PFKFB2: variants seen among roughly 807,000 people sequenced by gnomAD.
PFKFB2 encodes the protein 6-phosphofructo-2-kinase/fructose-2,6-bisphosphatase 2.
A neutral mutation model predicts 68.0 loss-of-function variants in PFKFB2; 53 were observed. The ratio of observed to expected loss-of-function variants is 0.78; its 90% confidence interval spans 0.63 to 0.98. The LOEUF is 0.98. Ranked by LOEUF, PFKFB2 falls within the 50% of genes least tolerant of loss-of-function variation. The pLI, the probability that PFKFB2 is intolerant of heterozygous loss-of-function variation, is 0.00. For missense variants in PFKFB2, 451 were observed against 642.0 expected (o/e 0.70, Z 3.22); for synonymous variants, 222 against 227.6 (o/e 0.98, Z 0.22).
At chr1:207,046,088 C>G (rs546348168) in intron 2 of PFKFB2, 1 of 152,030 alleles carries the variant, frequency 6.6e-6, no homozygotes, top group Non-Finnish European at 1.5e-5. Flanking sequence ...CATAGTACTA[C>G]ACCTGACCTT....
chr1:207,072,297 T>A lies in PFKFB2; in HGVS notation c.1444T>A (p.Tyr482Asn), dbSNP rs377519008. Residue 482 changes from tyrosine (Y) to asparagine (N), a missense_variant, in exon 15 of 15, where the codon TAC becomes AAC. Coordinates refer to ENST00000367080, the MANE Select transcript of PFKFB2 (RefSeq NM_006212.2). ...SSNTIRRPRN[Y>N]SVGSRPLKPL... ...GAATACAATAAGGCGTCCAAGAAAT[T>A]ACAGTGTTGGGAGCCGGCCCCTCAA... is the stretch of plus-strand genomic sequence containing the variant. The A allele has an allele frequency of 9.9e-6, 16 of 1,613,990 alleles. No individual in the cohort carries two copies. Among genetic ancestry groups the A allele is most frequent in the Non-Finnish European group, 1.3e-5 (15 of 1,180,036 alleles).
chr1:207,052,306 T>G, upstream of PFKFB2: 1 of 1,300,426 alleles, frequency 7.7e-7, no homozygotes, highest in South Asian at 1.2e-5. Context: ...TCAAGACGAC[T>G]GCAACGGATG....
chr1:207,072,057 G>C, intron 14 of PFKFB2, 147 bp from the exon 15 acceptor site: 1 of 1,396,918 alleles, frequency 7.2e-7, no homozygotes, highest in Non-Finnish European at 9.6e-7. Flanking sequence ...TAGGAGGCCA[G>C]GCCATGGGCC....
At position 207,072,660 on chromosome 1, in the gene PFKFB2, C is replaced by G; in HGVS notation, c.*289C>G. 2 of 1,172,726 alleles carry G rather than the reference C, an allele frequency of 1.7e-6. No homozygotes were observed. The highest frequency in any genetic ancestry group is 2.1e-6 in the Non-Finnish European group (2 of 946,476). 72.6% of individuals were successfully genotyped at this position (1,172,726 alleles called of 1,614,324 possible). On this transcript the variant is annotated 3_prime_UTR_variant, in exon 15 of 15. Transcript: ENST00000367080. ...TCTGGAGGAGGAGGAAAAAGATACA[C>G]TCCCTTGGGGCTGAGCATGCCCCAC...
downstream of PFKFB2, chr1:207,078,875 G>T: frequency 8.4e-7 from 1 of 1,197,012 alleles, no homozygotes. Context: ...GAAGGTAGGG[G>T]AAGGATTCTG....
At chr1:207,050,745 C>A (rs1370721597), upstream of PFKFB2, 2 of 1,613,364 alleles carry the variant, frequency 1.2e-6, no homozygotes, top group Non-Finnish European at 8.5e-7. Context: ...TCCAGGCACT[C>A]GGGAGGGTAT....
Position 207,072,587 on chromosome 1 carries a change from G to T in PFKFB2, c.*216G>T. ...GTTTGAAACATCTTTTCACCCAGGG[G>T]CAAGTTAGCAAATTGAGTCTTTTAG... On this transcript the variant is annotated 3_prime_UTR_variant, in exon 15 of 15. Coordinates refer to ENST00000367080, the MANE Select transcript of PFKFB2 (RefSeq NM_006212.2). 1 of 1,334,002 alleles carries T rather than the reference G, an allele frequency of 7.5e-7. No individual in the cohort carries two copies. The allele number at this position is 1,334,002 out of a possible 1,614,324, so 82.6% of individuals were successfully genotyped here.
At chr1:207,053,530 TG>T (rs989965413) in intron 1 of PFKFB2, among the ~76,000 whole-genome samples, 164 bp downstream of exon 1, 1 of 152,142 alleles carries the variant, frequency 6.6e-6, no homozygotes, top group African/African-American at 2.4e-5. Flanking sequence ...TTGGAGGATT[TG>T]TGTGGTCAGT....
At position 207,075,021 on chromosome 1, in the gene PFKFB2, G is replaced by A; in HGVS notation, c.*2650G>A. 1.0e-6 allele frequency: 1 copy of A among 985,466 alleles called. No individual in the cohort carries two copies. The highest frequency in any genetic ancestry group is 1.2e-6 in the Non-Finnish European group (1 of 829,960). The allele number at this position is 985,466 out of a possible 1,614,324, so 61.0% of individuals were successfully genotyped here. ...ATGGTGGCATCTGTAGCCCAAATGG[G>A]CATTCAGTCTTTTCTTCTGCTGTGA... On this transcript the variant is annotated 3_prime_UTR_variant, in exon 15 of 15. Coordinates refer to ENST00000367080, the MANE Select transcript of PFKFB2 (RefSeq NM_006212.2).
chr1:207,050,357 A>G (rs1476277406), upstream of PFKFB2, among the ~76,000 whole-genome samples: 1 of 152,222 alleles, frequency 6.6e-6, no homozygotes, highest in Non-Finnish European at 1.5e-5. Flanking sequence ...AAAAAGAGAC[A>G]TAAGGACAGA....
At chr1:207,069,675 G>A (rs757331920) in intron 11 of PFKFB2, 147 bp downstream of exon 11, 1 of 596,552 alleles carries the variant, frequency 1.7e-6, no homozygotes, top group Non-Finnish European at 3.0e-6. Flanking sequence ...ATTCAGCTTA[G>A]ACAATCGAAT....
chr1:207,074,858 T>C lies in PFKFB2; in HGVS notation c.*2487T>C. On this transcript the variant is annotated 3_prime_UTR_variant, in exon 15 of 15. Transcript: ENST00000367080. ...AACCATCACATCGCTTCTCCTGACT[T>C]TTCTGTTGTCCTATGGCTATGAGAC... 1.0e-6 allele frequency: 1 copy of C among 985,460 alleles called. No individual in the cohort carries two copies. Among genetic ancestry groups the C allele is most frequent in the Non-Finnish European group, 1.2e-6 (1 of 829,936 alleles). 61.0% of individuals were successfully genotyped at this position (985,460 alleles called of 1,614,324 possible).
Position 207,072,459 on chromosome 1 carries a change from G to A in PFKFB2, c.*88G>A. 5 of 1,523,968 alleles carry A rather than the reference G, an allele frequency of 3.3e-6. No homozygotes were observed. Among genetic ancestry groups the A allele is most frequent in the Non-Finnish European group, 4.4e-6 (5 of 1,138,834 alleles). 94.4% of individuals were successfully genotyped at this position (1,523,968 alleles called of 1,614,324 possible). A position where few individuals can be genotyped will look rare whatever the true frequency, so the allele number is the denominator to read the frequency against. On this transcript the variant is annotated 3_prime_UTR_variant, in exon 15 of 15. Coordinates refer to ENST00000367080, the MANE Select transcript of PFKFB2 (RefSeq NM_006212.2). ...TGCCCTTGTCACTAATCACCAAGGAGTCATTAACTTCCTCCCTCTATGCCC... is the reference window on the plus strand; with the variant it reads ...TGCCCTTGTCACTAATCACCAAGGAATCATTAACTTCCTCCCTCTATGCCC...
chr1:207,039,225 A>G (rs1038514740), intron 1 of PFKFB2, among the ~76,000 whole-genome samples: 4 of 152,240 alleles, frequency 2.6e-5, no homozygotes, highest in African/African-American at 9.6e-5. Flanking sequence ...ACTCCATAAT[A>G]TTAACACTCT....
At chr1:207,050,546 T>C, upstream of PFKFB2, 1 of 1,081,960 alleles carries the variant, frequency 9.2e-7, no homozygotes. Flanking sequence ...CAGCATTCTC[T>C]GTTCTTTGAT....
At chr1:207,069,338 T>C in intron 10 of PFKFB2, 86 bp from the exon 11 acceptor site, 1 of 899,214 alleles carries the variant, frequency 1.1e-6, no homozygotes. Flanking sequence ...GAAACTAGCA[T>C]TCTTCAATGT....
At chr1:207,065,550 C>G (rs1683261885) in intron 8 of PFKFB2, among the ~76,000 whole-genome samples, 1 of 151,784 alleles carries the variant, frequency 6.6e-6, no homozygotes, top group African/African-American at 2.4e-5. Context: ...TAGAGTTTCC[C>G]CATGTTGGCC....
In PFKFB2 at chr1:207,058,408, C is replaced by G. The variant is rs115834779; in HGVS notation, c.86-3545C>G. On this transcript the variant is annotated intron_variant, in intron 2 of 14. Coordinates refer to ENST00000367080, the MANE Select transcript of PFKFB2 (RefSeq NM_006212.2). ...GCAAGTTGTGTTTACCGTGAGGGAA[C>G]CTTTGTCAAGTGCTGACATGAGGCA... Among the ~76,000 whole-genome samples the G allele has an allele frequency of 2.1e-3, 325 of 152,282 alleles. 3 individuals carry two copies. Among genetic ancestry groups the G allele is most frequent in the African/African-American group, 7.1e-3 (293 of 41,554 alleles).
chr1:207,042,572 A>AAAAAAAC, intron 2 of PFKFB2, among the ~76,000 whole-genome samples: 1 of 145,570 alleles, frequency 6.9e-6, no homozygotes, highest in African/African-American at 2.6e-5. Context: ...AAAAAAAAAA[A>AAAAAAAC]AAAAAAAAAG....
Sources: gnomAD v4.1 joint callset for allele counts (sites outside exome capture counted in the v4.1 genomes callset) on GRCh38, gnomAD v4.1.1 for gene constraint, MANE v1.5 for transcripts, NCBI Gene and HGNC (gene_info 2026-07-23, HGNC 2026-07-21) for gene names.